Variants in CELF5 observed in about 807,000 individuals in gnomAD.
CELF5 encodes the protein CUGBP Elav-like family member 5.
In CELF5, 6 loss-of-function variants were observed where a neutral mutation model predicts 54.9. The ratio of observed to expected loss-of-function variants is 0.11; its 90% CI spans 0.06 to 0.22. The LOEUF (loss-of-function observed/expected upper bound fraction) is 0.22, where lower values mean the gene tolerates loss of function less well. CELF5 is among the 10% of genes least tolerant of loss of function. The probability of loss-of-function intolerance (pLI) is 1.00; values close to 1 mark genes in which losing one functional copy is unlikely to be tolerated. For missense variants in CELF5, 401 were observed against 678.6 expected (o/e 0.59, Z 4.54); for synonymous variants, 271 against 290.9 (o/e 0.93, Z 0.70).
chr19:3,293,566 C>A, intron 12 of CELF5, 80 bp downstream of exon 12: 5 of 1,216,840 alleles, frequency 4.1e-6, no homozygotes, highest in Non-Finnish European at 5.7e-6. Flanking sequence ...CTTCATGCTC[C>A]AAACCCTCCC....
At chr19:3,252,869 A>C (rs888677623) in intron 2 of CELF5, among the ~76,000 whole-genome samples, 1 of 151,980 alleles carries the variant, frequency 6.6e-6, no homozygotes, top group Non-Finnish European at 1.5e-5. Flanking sequence ...GGAAGAGAAT[A>C]ACAGGGCAGG....
In CELF5 at chr19:3,256,904, C is replaced by G. The variant is rs145055101; in HGVS notation, c.342+5837C>G. ...TTTCTGAGACAAAGTTTTGCTGTGTCGCCCAGGTTGGAGTGCAGTGGCACA... is the reference window on the plus strand; with the variant it reads ...TTTCTGAGACAAAGTTTTGCTGTGTGGCCCAGGTTGGAGTGCAGTGGCACA... On this transcript the variant is annotated intron_variant, in intron 2 of 12. Coordinates refer to ENST00000292672, the MANE Select transcript of CELF5 (RefSeq NM_021938.4). Among the ~76,000 whole-genome samples the G allele has an allele frequency of 2.7e-3, 413 of 152,092 alleles. 13 individuals carry two copies. The highest frequency in any genetic ancestry group is 0.025 in the Admixed American group (384 of 15,244).
chr19:3,235,950 T>A (rs1658411524), intron 1 of CELF5, among the ~76,000 whole-genome samples: 1 of 151,838 alleles, frequency 6.6e-6, no homozygotes, highest in Non-Finnish European at 1.5e-5. Flanking sequence ...TCTGGTGTAG[T>A]GATGGGGACT....
At chr19:3,229,693 G>A (rs182180676) in intron 1 of CELF5, among the ~76,000 whole-genome samples, 1 of 152,356 alleles carries the variant, frequency 6.6e-6, no homozygotes, top group East Asian at 1.9e-4. Context: ...AGAGGCTGTT[G>A]GCATGGGGCC....
rs2080086276 is a variant in CELF5 at position 3,278,138 on chromosome 19, G to A, written c.603+28G>A. Reference sequence around the variant, plus strand: ...GAGTTGGAGCTGCCCTTGGCCGTGGGGGTGGGGGTGGGAAAGGGGTGAGGG... The same window carrying A: ...GAGTTGGAGCTGCCCTTGGCCGTGGAGGTGGGGGTGGGAAAGGGGTGAGGG... On this transcript the variant is annotated intron_variant, in intron 5 of 12. Transcript: ENST00000292672. The surrounding 1 kb of genome is among the most constrained non-coding windows in gnomAD (Gnocchi z 4.5). 6.7e-7 allele frequency: 1 copy of A among 1,496,844 alleles called. No homozygotes were observed. Among genetic ancestry groups the A allele is most frequent in the Non-Finnish European group, 9.2e-7 (1 of 1,084,002 alleles). The allele number at this position is 1,496,844 out of a possible 1,614,324, so 92.7% of individuals were successfully genotyped here.
chr19:3,239,052 C>T (rs117465029), intron 1 of CELF5, among the ~76,000 whole-genome samples: 4,829 of 152,234 alleles, frequency 0.032, 108 homozygotes, highest in South Asian at 0.047. Context: ...CAAATCAGGT[C>T]ACATTTCAGG....
chr19:3,226,239 A>G (rs1916900112), intron 1 of CELF5, among the ~76,000 whole-genome samples: 1 of 150,214 alleles, frequency 6.7e-6, no homozygotes, highest in African/African-American at 2.4e-5. Context: ...CCCGGTAAGC[A>G]TGAATGCATG....
intron 2 of CELF5, among the ~76,000 whole-genome samples, chr19:3,251,603 C>T (rs1054658566): frequency 6.7e-6 from 1 of 149,822 alleles, no homozygotes; most frequent in African/African-American, 2.5e-5. Flanking sequence ...ATTTTCCTCG[C>T]TTGTCTTTAT....
chr19:3,292,276 C>A (rs1369242394), intron 11 of CELF5, among the ~76,000 whole-genome samples: 1 of 150,214 alleles, frequency 6.7e-6, no homozygotes, highest in Non-Finnish European at 1.5e-5. Flanking sequence ...TCACACTGTC[C>A]TGTTTAAAGG....
chr19:3,237,341 A>G (rs1917662131), intron 1 of CELF5, among the ~76,000 whole-genome samples: 1 of 150,384 alleles, frequency 6.6e-6, no homozygotes, highest in African/African-American at 2.4e-5. Context: ...AAAAAAGGAA[A>G]GTAATAAAGA....
chr19:3,246,030 T>C (rs1014431598), intron 1 of CELF5, among the ~76,000 whole-genome samples: 3 of 152,212 alleles, frequency 2.0e-5, no homozygotes, highest in Admixed American at 6.5e-5. Context: ...GCCTGTCTTA[T>C]GCCCAGCACG....
At chr19:3,250,873 A>T (rs1430405481) in intron 1 of CELF5, 112 bp from the exon 2 acceptor site, 8 of 494,268 alleles carry the variant, frequency 1.6e-5, no homozygotes, top group Non-Finnish European at 2.5e-5. Context: ...AGATCTATGC[A>T]TCTGTGGATG....
At position 3,278,948 on chromosome 19, in the gene CELF5, G is replaced by A. The variant is rs1009447558; in HGVS notation, c.603+838G>A. ...GAGCCATAGAAGATGGGGCCGCAAT[G>A]CGAGGCTGAGAAGCCTGGACTTTCT... On this transcript the variant is annotated intron_variant, in intron 5 of 12. Coordinates refer to ENST00000292672, the MANE Select transcript of CELF5 (RefSeq NM_021938.4). This position sits in a 1 kb window ranked among gnomAD's most constrained non-coding sequence, Gnocchi z 4.5. Among the ~76,000 whole-genome samples, 1 of 152,178 alleles carries A rather than the reference G, an allele frequency of 6.6e-6. No individual in the cohort carries two copies. The highest frequency in any genetic ancestry group is 2.1e-4 in the South Asian group (1 of 4,838).
chr19:3,272,372 AAAAAAAAG>A (rs2079981785), intron 2 of CELF5, among the ~76,000 whole-genome samples: 1 of 151,972 alleles, frequency 6.6e-6, no homozygotes, highest in African/African-American at 2.4e-5. Context: ...CGTCCCAAGA[AAAAAAAAG>A]AAAAAAAGAA....
At chr19:3,256,898 C>G (rs1166464624) in intron 2 of CELF5, among the ~76,000 whole-genome samples, 1 of 152,050 alleles carries the variant, frequency 6.6e-6, no homozygotes, top group East Asian at 1.9e-4. Flanking sequence ...CAAAGTTTTG[C>G]TGTGTCGCCC....
chr19:3,278,754 G>A lies in CELF5; in HGVS notation c.603+644G>A, dbSNP rs992366504. 2.6e-5 allele frequency among the ~76,000 whole-genome samples: 4 copies of A among 151,874 alleles called. No homozygotes were observed. Among genetic ancestry groups the A allele is most frequent in the East Asian group, 1.9e-4 (1 of 5,180 alleles). On this transcript the variant is annotated intron_variant, in intron 5 of 12. Transcript: ENST00000292672. This position sits in a 1 kb window ranked among gnomAD's most constrained non-coding sequence, Gnocchi z 4.5. Reference sequence around the variant, plus strand: ...CAGTATTGTGGGTGATTGTGTACACGTTTGTGAGTATATGCAGGTCTGTGT... The same window carrying A: ...CAGTATTGTGGGTGATTGTGTACACATTTGTGAGTATATGCAGGTCTGTGT...
chr19:3,256,965 G>A (rs887648628), intron 2 of CELF5, among the ~76,000 whole-genome samples: 29 of 152,112 alleles, frequency 1.9e-4, no homozygotes, highest in Admixed American at 1.7e-3. Flanking sequence ...CTCATGGTAC[G>A]TCCCACTAAT....
intron 1 of CELF5, among the ~76,000 whole-genome samples, chr19:3,240,899 C>A (rs1453326369): frequency 3.9e-5 from 6 of 151,908 alleles, no homozygotes; most frequent in African/African-American, 1.5e-4. Flanking sequence ...ACTGGAGTGT[C>A]CTTTTGGGCT....
chr19:3,274,677 T>A (rs1221825569), intron 3 of CELF5, among the ~76,000 whole-genome samples: 1 of 152,058 alleles, frequency 6.6e-6, no homozygotes, highest in Non-Finnish European at 1.5e-5. Context: ...TTCTTGGAAA[T>A]TTGTATATTT....
Sources: allele counts gnomAD v4.1 joint callset (sites outside exome capture counted in the v4.1 genomes callset), GRCh38; gene constraint gnomAD v4.1.1; non-coding constraint Gnocchi (gnomAD v3.1); transcripts MANE v1.5; gene names NCBI Gene and HGNC (gene_info 2026-07-23, HGNC 2026-07-21).